The following CDK14 variants were observed in gnomAD, a reference collection of about 807,000 sequenced individuals.
CDK14 encodes cyclin-dependent kinase 14.
In CDK14, 34 loss-of-function variants were observed where a neutral mutation model predicts 60.7. The ratio of observed to expected loss-of-function variants is 0.56; its 90% CI spans 0.43 to 0.75. The LOEUF is 0.75. Among genes scored for constraint, CDK14 ranks in the 30% least tolerant of loss-of-function variants. CDK14 has a pLI of 0.00. For synonymous variants in CDK14, 197 were observed against 203.7 expected (o/e 0.97, Z 0.28); for missense variants, 482 against 564.1 (o/e 0.85, Z 1.47).
chr7:90,708,499 G>C (rs1285657164), intron 2 of CDK14, among the ~76,000 whole-genome samples: 3 of 152,140 alleles, frequency 2.0e-5, no homozygotes, highest in African/African-American at 7.2e-5. Flanking sequence ...ATTTGTATTT[G>C]AACAATAACT....
At chr7:91,193,437 C>T (rs773111780) in intron 14 of CDK14, among the ~76,000 whole-genome samples, 11 of 152,076 alleles carry the variant, frequency 7.2e-5, no homozygotes, top group Non-Finnish European at 1.6e-4. Context: ...CTCTTCTTGG[C>T]ACTAGTGTTT....
At chr7:90,962,549 T>A (rs1794632134) in intron 9 of CDK14, among the ~76,000 whole-genome samples, 1 of 152,068 alleles carries the variant, frequency 6.6e-6, no homozygotes, top group Non-Finnish European at 1.5e-5. Flanking sequence ...TTTATCGGTG[T>A]GTATGTTTGT....
chr7:90,875,393 C>G (rs189854637), intron 6 of CDK14, among the ~76,000 whole-genome samples: 12 of 152,260 alleles, frequency 7.9e-5, no homozygotes, highest in Admixed American at 6.5e-4. Flanking sequence ...TGCTGATCAT[C>G]TTATAACTCT....
intron 12 of CDK14, among the ~76,000 whole-genome samples, chr7:91,095,473 T>G (rs1265939004): frequency 6.6e-6 from 1 of 152,232 alleles, no homozygotes; most frequent in Non-Finnish European, 1.5e-5. Flanking sequence ...CAATTTCACT[T>G]GTTAGTATTT....
chr7:90,660,286 C>G (rs11983130), intron 2 of CDK14, among the ~76,000 whole-genome samples: 12,316 of 152,124 alleles, frequency 0.081, 653 homozygotes, highest in East Asian at 0.19. Flanking sequence ...TACTGGCTAA[C>G]TCAAATATCT....
chr7:90,665,164 A>G (rs1800948957), intron 2 of CDK14, among the ~76,000 whole-genome samples: 2 of 152,064 alleles, frequency 1.3e-5, no homozygotes, highest in South Asian at 4.2e-4. Flanking sequence ...GGGCGCCTGT[A>G]GTCCCAGCTA....
chr7:91,175,196 C>G (rs1801685845), intron 14 of CDK14, among the ~76,000 whole-genome samples: 1 of 151,766 alleles, frequency 6.6e-6, no homozygotes, highest in African/African-American at 2.4e-5. Flanking sequence ...AATTTCATAT[C>G]CAGCCAAACT....
In CDK14 at chr7:90,960,832, G is replaced by T. The variant is rs183202859; in HGVS notation, c.947+5015G>T. 2.2e-3 allele frequency among the ~76,000 whole-genome samples: 330 copies of T among 152,150 alleles called. 2 individuals are homozygous for T. Among genetic ancestry groups the T allele is most frequent in the African/African-American group, 7.7e-3 (320 of 41,530 alleles). On this transcript the variant is annotated intron_variant, in intron 9 of 14. Coordinates refer to ENST00000380050, the MANE Select transcript of CDK14 (RefSeq NM_001287135.2). The stretch of plus-strand genomic sequence containing the variant: ...AGAATCACAAATTAGCCCTACCATA[G>T]CCCCTACTTTGAAAATAAATTTGTT...
chr7:91,180,549 C>T (rs990833379), intron 14 of CDK14, among the ~76,000 whole-genome samples: 1 of 152,108 alleles, frequency 6.6e-6, no homozygotes, highest in South Asian at 2.1e-4. Flanking sequence ...AGTAGGATTA[C>T]GGGCGAGCAG....
intron 2 of CDK14, among the ~76,000 whole-genome samples, chr7:90,718,300 C>T (rs905509001): frequency 6.6e-6 from 1 of 151,974 alleles, no homozygotes; most frequent in Non-Finnish European, 1.5e-5. Flanking sequence ...TGGTATGTAC[C>T]TGTCTTTGTC....
chr7:90,814,997 T>A (rs972611067), intron 5 of CDK14, among the ~76,000 whole-genome samples: 5 of 152,244 alleles, frequency 3.3e-5, no homozygotes, highest in Admixed American at 6.5e-5. Flanking sequence ...CCCTGAAATC[T>A]TTCTGGCTTT....
At chr7:91,062,456 T>C (rs938661219) in intron 11 of CDK14, among the ~76,000 whole-genome samples, 2 of 151,882 alleles carry the variant, frequency 1.3e-5, no homozygotes, top group African/African-American at 2.4e-5. Flanking sequence ...GGTACCTCAG[T>C]TGGAAATGCA....
At chr7:90,737,295 A>G (rs1584840677) in intron 3 of CDK14, among the ~76,000 whole-genome samples, 1 of 152,210 alleles carries the variant, frequency 6.6e-6, no homozygotes, top group African/African-American at 2.4e-5. Flanking sequence ...TCAGAAACTC[A>G]TATTTAGGTT....
chr7:90,740,300 AAGAG>A (rs995852446), intron 3 of CDK14, among the ~76,000 whole-genome samples: 1 of 151,106 alleles, frequency 6.6e-6, no homozygotes, highest in Non-Finnish European at 1.5e-5. Context: ...GAAAGAAAGA[AAGAG>A]AAAGAGTGTG....
rs1208803618 is a variant in CDK14 at position 91,118,190 on chromosome 7, C to G, written c.*10C>G. The G allele has an allele frequency of 2.6e-6, 4 of 1,533,058 alleles. No homozygotes were observed. The South Asian group carries it at 4.5e-5, about 17-fold the overall frequency. The allele number at this position is 1,533,058 out of a possible 1,614,324, so 95.0% of individuals were successfully genotyped here. On this transcript the variant is annotated 3_prime_UTR_variant, in exon 14 of 15. Transcript: ENST00000380050. ...AAACAGCAAGCACTGACAAGCAGCACATTCTCAAGAGCACACAGGTAAGAG... is the reference window on the plus strand; with the variant it reads ...AAACAGCAAGCACTGACAAGCAGCAGATTCTCAAGAGCACACAGGTAAGAG...
intron 9 of CDK14, among the ~76,000 whole-genome samples, chr7:90,980,026 C>T (rs946504375): frequency 3.3e-5 from 5 of 151,762 alleles, no homozygotes; most frequent in African/African-American, 1.2e-4. Context: ...AGTTTCAATC[C>T]TAAAAGATTG....
intron 14 of CDK14, among the ~76,000 whole-genome samples, chr7:91,147,151 C>CTCTG (rs1486658219): frequency 2.9e-5 from 3 of 103,276 alleles, no homozygotes; most frequent in Non-Finnish European, 6.4e-5. Context: ...GTCTCTCTCT[C>CTCTG]TCTCTCTCTC....
chr7:90,903,793 G>A (rs1464098290), intron 7 of CDK14, among the ~76,000 whole-genome samples: 4 of 152,100 alleles, frequency 2.6e-5, no homozygotes, highest in African/African-American at 9.7e-5. Flanking sequence ...TACATTGTAT[G>A]ATTGTATAAA....
At chr7:90,602,740 A>G (rs1247531781) in intron 1 of CDK14, among the ~76,000 whole-genome samples, 1 of 152,208 alleles carries the variant, frequency 6.6e-6, no homozygotes, top group Non-Finnish European at 1.5e-5. Flanking sequence ...ACAACAAAGG[A>G]CTATCTTTTT....
Sources: gnomAD v4.1 joint callset for allele counts (sites outside exome capture counted in the v4.1 genomes callset) on GRCh38, gnomAD v4.1.1 for gene constraint, MANE v1.5 for transcripts, NCBI Gene and HGNC (gene_info 2026-07-23, HGNC 2026-07-21) for gene names.